TRHDE: variants seen among roughly 807,000 people sequenced by gnomAD.
The protein encoded by TRHDE is thyrotropin releasing hormone degrading enzyme.
TRHDE carries 72 observed loss-of-function variants against 125.7 expected under a neutral mutation model. The observed-to-expected ratio is 0.57, with a 90% confidence interval of 0.47 to 0.70. The LOEUF (loss-of-function observed/expected upper bound fraction) is 0.70. TRHDE is among the 30% of genes least tolerant of loss of function. The probability of loss-of-function intolerance (pLI) is 0.00; values close to 1 mark genes in which losing one functional copy is unlikely to be tolerated. For missense variants in TRHDE, 1,110 were observed against 1,327.1 expected, an observed-to-expected ratio of 0.84 and a Z score of 2.54; for synonymous variants, 509 against 509.1, an observed-to-expected ratio of 1.00 and a Z score of 0.00.
intron 2 of TRHDE, among the ~76,000 whole-genome samples, chr12:72,260,477 T>G (rs1463246923): frequency 6.6e-6 from 1 of 152,108 alleles, no homozygotes. Flanking sequence ...AGTGGCTCAC[T>G]GGGAGCAACT....
At chr12:72,419,593 G>C (rs1350420938) in intron 3 of TRHDE, among the ~76,000 whole-genome samples, 1 of 152,082 alleles carries the variant, frequency 6.6e-6, no homozygotes, top group African/African-American at 2.4e-5. Flanking sequence ...ACTATCTCAA[G>C]AACAGAACCA....
intron 3 of TRHDE, among the ~76,000 whole-genome samples, chr12:72,411,510 A>G (rs1873506851): frequency 6.6e-6 from 1 of 152,082 alleles, no homozygotes; most frequent in Non-Finnish European, 1.5e-5. Flanking sequence ...TAGAACAAAA[A>G]TTAATAGAGT....
intron 2 of TRHDE, among the ~76,000 whole-genome samples, chr12:72,110,679 C>A (rs953146763): frequency 6.6e-6 from 1 of 152,074 alleles, no homozygotes; most frequent in Non-Finnish European, 1.5e-5. Context: ...AATATTCTGA[C>A]TCTAGGTGAT....
chr12:72,268,011 A>G (rs1179107680), upstream of TRHDE, among the ~76,000 whole-genome samples: 4 of 152,308 alleles, frequency 2.6e-5, no homozygotes, highest in African/African-American at 9.6e-5. Context: ...GAAAGTCTGC[A>G]GTATAAAAAT....
At chr12:72,384,072 A>G (rs540103125) in intron 3 of TRHDE, among the ~76,000 whole-genome samples, 3 of 152,180 alleles carry the variant, frequency 2.0e-5, no homozygotes, top group Admixed American at 6.5e-5. Context: ...GAGTATTGCA[A>G]ATGTGTTTTA....
chr12:72,598,109 G>C (rs934423252), intron 12 of TRHDE, among the ~76,000 whole-genome samples: 6 of 151,786 alleles, frequency 4.0e-5, no homozygotes, highest in Non-Finnish European at 8.8e-5. Flanking sequence ...GGAAAACAAA[G>C]AAAAAACTCA....
intron 5 of TRHDE, among the ~76,000 whole-genome samples, chr12:72,476,552 A>C (rs995658435): frequency 6.6e-6 from 1 of 152,204 alleles, no homozygotes; most frequent in Non-Finnish European, 1.5e-5. Context: ...CTGTAAGTGC[A>C]TGGCTTAAGG....
intron 15 of TRHDE, among the ~76,000 whole-genome samples, chr12:72,650,748 C>T (rs182769925): frequency 9.9e-5 from 15 of 152,036 alleles, no homozygotes; most frequent in Admixed American, 2.6e-4. Context: ...GGCAATAATG[C>T]ACTGTTGTGC....
rs115217544 is a variant in TRHDE, at chr12:72,133,507, T to C, written n.279+27755T>C. ...TACCAGAAGAAGTCCTATTATAAGATGCCTGGGCTAGAACATTAAGCACCC... is the reference window on the plus strand; with the variant it reads ...TACCAGAAGAAGTCCTATTATAAGACGCCTGGGCTAGAACATTAAGCACCC... On this transcript the variant is annotated intron_variant and non_coding_transcript_variant, in intron 2 of 4. Transcript: ENST00000548156. Among the ~76,000 whole-genome samples, 907 of 152,312 alleles carry C rather than the reference T, an allele frequency of 6.0e-3. 18 individuals carry two copies. Among genetic ancestry groups the C allele is most frequent in the African/African-American group, 0.021 (887 of 41,568 alleles).
At chr12:72,485,881 C>A (rs552078359) in intron 5 of TRHDE, among the ~76,000 whole-genome samples, 9 of 152,242 alleles carry the variant, frequency 5.9e-5, no homozygotes, top group Non-Finnish European at 1.3e-4. Flanking sequence ...TGCTGCACTG[C>A]TTCCCACCCT....
intron 2 of TRHDE, among the ~76,000 whole-genome samples, chr12:72,360,985 CT>C: frequency 6.6e-6 from 1 of 150,652 alleles, no homozygotes; most frequent in South Asian, 2.1e-4. Context: ...CTCCCTCCCC[CT>C]ATCCCCACCT....
intron 3 of TRHDE, among the ~76,000 whole-genome samples, chr12:72,401,253 G>A (rs1049853284): frequency 6.6e-6 from 1 of 152,004 alleles, no homozygotes; most frequent in Non-Finnish European, 1.5e-5. Context: ...TACTAACTAC[G>A]GCAACAATAA....
chr12:72,371,069 A>T (rs1871562518), intron 2 of TRHDE, among the ~76,000 whole-genome samples: 1 of 152,054 alleles, frequency 6.6e-6, no homozygotes, highest in Non-Finnish European at 1.5e-5. Context: ...TTAAAATAAC[A>T]TCCTAGTATT....
intron 15 of TRHDE, among the ~76,000 whole-genome samples, chr12:72,637,256 A>T (rs1230349803): frequency 6.6e-6 from 1 of 152,120 alleles, no homozygotes; most frequent in Non-Finnish European, 1.5e-5. Context: ...CGAGGCATTT[A>T]TCCATTTCTT....
chr12:72,661,137 T>C (rs1347808621), intron 18 of TRHDE, among the ~76,000 whole-genome samples: 2 of 152,162 alleles, frequency 1.3e-5, no homozygotes, highest in African/African-American at 4.8e-5. Flanking sequence ...ATTTAAGAAG[T>C]GAATCTCTAG....
intron 2 of TRHDE, among the ~76,000 whole-genome samples, chr12:72,317,837 A>G (rs1301964585): frequency 6.6e-6 from 1 of 152,152 alleles, no homozygotes; most frequent in East Asian, 1.9e-4. Context: ...GGTATGAAAT[A>G]TTTGGGAAAC....
Position 72,204,486 on chromosome 12 carries a change from T to A in TRHDE, n.279+98734T>A, listed in dbSNP as rs543335934. ...ATAAAATCATAAATTAAGCAATCAC[T>A]TTTTGTTTGATGCCTCCCTGTGTTT... On this transcript the variant is annotated intron_variant and non_coding_transcript_variant, in intron 2 of 4. Coordinates refer to the TRHDE transcript ENST00000548156. Among the ~76,000 whole-genome samples the A allele has an allele frequency of 7.2e-5, 11 of 152,316 alleles. No homozygotes were observed. The East Asian group carries it at 1.9e-3, about 27-fold the overall frequency.
At chr12:72,290,245 A>T (rs1880036806) in intron 2 of TRHDE, among the ~76,000 whole-genome samples, 4 of 152,226 alleles carry the variant, frequency 2.6e-5, no homozygotes, top group Admixed American at 2.6e-4. Context: ...ACAGGAAAAG[A>T]CACAGAGGTA....
chr12:72,096,531 C>G (rs1874926630), intron 1 of TRHDE, among the ~76,000 whole-genome samples: 1 of 152,154 alleles, frequency 6.6e-6, no homozygotes. Context: ...AGCTCAGATG[C>G]CAAAGATGGC....
Sources: gnomAD v4.1 joint callset for allele counts (sites outside exome capture counted in the v4.1 genomes callset) on GRCh38, gnomAD v4.1.1 for gene constraint, MANE v1.5 for transcripts, NCBI Gene and HGNC (gene_info 2026-07-23, HGNC 2026-07-21) for gene names.